The following CAMTA1 variants were observed in gnomAD, a reference collection of about 807,000 sequenced individuals.
The protein encoded by CAMTA1 is calmodulin binding transcription activator 1.
A neutral mutation model predicts 170.9 loss-of-function variants in CAMTA1; 27 were observed. The ratio of observed to expected loss-of-function variants is 0.16; its 90% CI spans 0.12 to 0.22. The LOEUF is 0.22. Ranked by LOEUF, CAMTA1 falls within the 10% of genes least tolerant of loss-of-function variation. The pLI is 1.00. For missense variants in CAMTA1, 1,619 were observed against 2,217.2 expected, an observed-to-expected ratio of 0.73 and a Z score of 5.42; for synonymous variants, 833 against 891.5, an observed-to-expected ratio of 0.93 and a Z score of 1.17.
At chr1:6,797,873 CTG>C (rs1166153623) in intron 1 of CAMTA1, among the ~76,000 whole-genome samples, 2 of 151,906 alleles carry the variant, frequency 1.3e-5, no homozygotes, top group Non-Finnish European at 2.9e-5. Context: ...AGCAAGTAGA[CTG>C]TGAATAAACA....
chr1:7,118,944 G>C (rs1483517449), intron 4 of CAMTA1, among the ~76,000 whole-genome samples: 2 of 152,210 alleles, frequency 1.3e-5, no homozygotes, highest in Non-Finnish European at 2.9e-5. Flanking sequence ...TTATGCTGAA[G>C]AGTAGCGTGC....
chr1:7,130,029 C>T (rs1478639626), intron 4 of CAMTA1, among the ~76,000 whole-genome samples: 1 of 151,964 alleles, frequency 6.6e-6, no homozygotes, highest in Admixed American at 6.6e-5. Context: ...CTCCACCTCC[C>T]AGGTTCAAGC....
At chr1:7,691,066 G>A (rs1453919170) in intron 11 of CAMTA1, among the ~76,000 whole-genome samples, 1 of 152,202 alleles carries the variant, frequency 6.6e-6, no homozygotes, top group Non-Finnish European at 1.5e-5. Flanking sequence ...CATCCGAACT[G>A]ACCACCTGTC....
At chr1:7,600,065 T>C (rs1256711043) in intron 6 of CAMTA1, among the ~76,000 whole-genome samples, 1 of 152,244 alleles carries the variant, frequency 6.6e-6, no homozygotes, top group Non-Finnish European at 1.5e-5. Flanking sequence ...CAGTATGTTA[T>C]TGGCTGTGGG....
At chr1:7,292,692 G>A (rs1673325286) in intron 5 of CAMTA1, among the ~76,000 whole-genome samples, 1 of 152,256 alleles carries the variant, frequency 6.6e-6, no homozygotes, top group East Asian at 1.9e-4. Context: ...GAGCTGCTTA[G>A]TTTTTTCCCA....
intron 6 of CAMTA1, among the ~76,000 whole-genome samples, chr1:7,607,552 G>A (rs2095496168): frequency 6.6e-6 from 1 of 151,934 alleles, no homozygotes; most frequent in South Asian, 2.1e-4. Flanking sequence ...TGGATGGGTA[G>A]TGCATATATG....
chr1:7,493,527 A>G (rs2093772990), intron 6 of CAMTA1, among the ~76,000 whole-genome samples: 1 of 152,240 alleles, frequency 6.6e-6, no homozygotes, highest in Admixed American at 6.5e-5. Flanking sequence ...GCAGGGGCAC[A>G]CATAAGAAAG....
intron 1 of CAMTA1, among the ~76,000 whole-genome samples, chr1:6,791,953 TA>T (rs1465770457): frequency 6.6e-6 from 1 of 152,014 alleles, no homozygotes; most frequent in Non-Finnish European, 1.5e-5. Context: ...CATGCATTTA[TA>T]AGGAAAGTGT....
chr1:7,488,594 A>G (rs560336231), intron 6 of CAMTA1, among the ~76,000 whole-genome samples: 6 of 152,308 alleles, frequency 3.9e-5, no homozygotes, highest in South Asian at 4.1e-4. Context: ...GTGTACACAT[A>G]CATGCATGAT....
At chr1:7,743,024 G>T (rs1002500800) in intron 16 of CAMTA1, among the ~76,000 whole-genome samples, 49 of 152,038 alleles carry the variant, frequency 3.2e-4, no homozygotes, top group Non-Finnish European at 5.0e-4. Flanking sequence ...AATTTTGGGG[G>T]TTTTTTTGGG....
At chr1:7,422,524 C>T (rs545921297) in intron 5 of CAMTA1, among the ~76,000 whole-genome samples, 3 of 152,154 alleles carry the variant, frequency 2.0e-5, no homozygotes, top group Non-Finnish European at 4.4e-5. Flanking sequence ...TGCTGCTGCC[C>T]ATCACAGCAG....
At chr1:7,742,003 C>T (rs756278411) in intron 16 of CAMTA1, among the ~76,000 whole-genome samples, 6 of 145,726 alleles carry the variant, frequency 4.1e-5, no homozygotes, top group East Asian at 2.1e-4. Flanking sequence ...GTAAGAAATA[C>T]AATCAAAATG....
chr1:6,902,072 CAAAA>C (rs1553180442), intron 3 of CAMTA1, among the ~76,000 whole-genome samples: 8 of 88,498 alleles, frequency 9.0e-5, no homozygotes, highest in East Asian at 2.8e-4. Context: ...CACACACACA[CAAAA>C]AAAAAAATAA....
At chr1:7,669,864 G>C (rs1408343788) in intron 9 of CAMTA1, among the ~76,000 whole-genome samples, 1 of 152,210 alleles carries the variant, frequency 6.6e-6, no homozygotes, top group African/African-American at 2.4e-5. Flanking sequence ...CCGTAAGTAG[G>C]GGACCTCCAA....
chr1:6,998,208 G>A (rs1031351752), intron 3 of CAMTA1, among the ~76,000 whole-genome samples: 2 of 152,086 alleles, frequency 1.3e-5, no homozygotes, highest in Admixed American at 6.5e-5. Flanking sequence ...CTCCCGAGTA[G>A]CTGGGACTAC....
intron 4 of CAMTA1, among the ~76,000 whole-genome samples, chr1:7,241,324 A>C (rs1000136241): frequency 6.6e-6 from 1 of 152,248 alleles, no homozygotes; most frequent in East Asian, 1.9e-4. Context: ...CATGTTCTGC[A>C]ATTGGAAGTG....
In CAMTA1 at chr1:7,423,529, C is replaced by G. The variant is rs1029748344; in HGVS notation, c.439-44301C>G. Among the ~76,000 whole-genome samples, 23 of 151,720 alleles carry G rather than the reference C, an allele frequency of 1.5e-4. 1 individual carries two copies. Among genetic ancestry groups the G allele is most frequent in the African/African-American group, 5.3e-4 (22 of 41,286 alleles). On this transcript the variant is annotated intron_variant, in intron 5 of 22. Transcript: ENST00000303635. ...GATAATGCCTGCTGCCTGCCTGTAC[C>G]CAGCCTCCCCCCGCCGGGTGTCATT...
Position 7,768,494 on chromosome 1 carries a change from C to T in CAMTA1, c.*2003C>T, listed in dbSNP as rs531823767. 21 of 152,834 alleles carry T rather than the reference C, an allele frequency of 1.4e-4. No homozygotes were observed. Among genetic ancestry groups the T allele is most frequent in the African/African-American group, 3.6e-4 (15 of 41,552 alleles). 9.5% of individuals were successfully genotyped at this position (152,834 alleles called of 1,614,324 possible). On this transcript the variant is annotated 3_prime_UTR_variant, in exon 23 of 23. Transcript: ENST00000303635. ...GCTTGTTGTGAAGCCTAAAAATATT[C>T]ACAAATAAGCTTTTAAACTGGTGTC...
intron 3 of CAMTA1, among the ~76,000 whole-genome samples, chr1:7,062,603 G>T (rs924639230): frequency 6.6e-6 from 1 of 152,236 alleles, no homozygotes; most frequent in Non-Finnish European, 1.5e-5. Context: ...GTGGGGTGGG[G>T]AGCCGTGGGC....
Sources: gnomAD v4.1 joint callset for allele counts (sites outside exome capture counted in the v4.1 genomes callset) on GRCh38, gnomAD v4.1.1 for gene constraint, MANE v1.5 for transcripts, NCBI Gene and HGNC (gene_info 2026-07-23, HGNC 2026-07-21) for gene names.